Variants in SMIM35 observed in about 807,000 individuals in gnomAD.
SMIM35 encodes TMPRSS4 antisense RNA 1 (non-protein coding).
chr11:118,019,178 A>T (rs1380761473), intron 1 of SMIM35, among the ~76,000 whole-genome samples: 1 of 152,190 alleles, frequency 6.6e-6, no homozygotes, highest in Non-Finnish European at 1.5e-5. Context: ...TATGAAAATT[A>T]TGTTAGGACC....
chr11:118,085,758 C>A (rs1342192131), intron 1 of SMIM35, among the ~76,000 whole-genome samples: 1 of 152,160 alleles, frequency 6.6e-6, no homozygotes, highest in Non-Finnish European at 1.5e-5. Flanking sequence ...CCCCTTCTGG[C>A]CCTCTCGAGT....
chr11:118,017,260 C>T (rs2058190300), intron 1 of SMIM35, among the ~76,000 whole-genome samples: 1 of 152,178 alleles, frequency 6.6e-6, no homozygotes, highest in African/African-American at 2.4e-5. Flanking sequence ...AGTCGAGCCC[C>T]GGGAAGGCAA....
chr11:118,021,792 G>A (rs2058232971), intron 1 of SMIM35, among the ~76,000 whole-genome samples: 1 of 152,084 alleles, frequency 6.6e-6, no homozygotes, highest in Non-Finnish European at 1.5e-5. Context: ...GAGTAGAACT[G>A]AAAGACAAAC....
At chr11:118,011,862 G>T (rs754671293) in intron 4 of SMIM35, among the ~76,000 whole-genome samples, 8 of 152,128 alleles carry the variant, frequency 5.3e-5, no homozygotes, top group Non-Finnish European at 1.0e-4. Context: ...CCACTAAGGG[G>T]CCTTCCTCAC....
At chr11:118,044,032 A>G (rs147774296) in intron 1 of SMIM35, among the ~76,000 whole-genome samples, 1 of 152,264 alleles carries the variant, frequency 6.6e-6, no homozygotes, top group African/African-American at 2.4e-5. Flanking sequence ...ATATCTAAAC[A>G]AAGCTGTTAA....
At chr11:118,063,822 T>C (rs186615455) in intron 1 of SMIM35, among the ~76,000 whole-genome samples, 83 of 152,294 alleles carry the variant, frequency 5.4e-4, no homozygotes, top group Non-Finnish European at 8.8e-5. Flanking sequence ...CGGGAGGGCA[T>C]GAAAGCCCCG....
chr11:118,034,379 ACT>A (rs147431843), intron 1 of SMIM35, among the ~76,000 whole-genome samples: 1,671 of 152,310 alleles, frequency 0.011, 24 homozygotes, highest in African/African-American at 0.038. Flanking sequence ...AAAAATTGTC[ACT>A]GTCTCAATTT....
intron 1 of SMIM35, among the ~76,000 whole-genome samples, chr11:118,023,171 C>T (rs1018594092): frequency 6.6e-6 from 1 of 151,840 alleles, no homozygotes; most frequent in South Asian, 2.1e-4. Flanking sequence ...ATGAACAGAA[C>T]AACCAACAGA....
intron 1 of SMIM35, among the ~76,000 whole-genome samples, chr11:118,057,675 AG>A (rs1944335441): frequency 6.6e-6 from 1 of 152,164 alleles, no homozygotes; most frequent in African/African-American, 2.4e-5. Context: ...TATATTTGCA[AG>A]TGAGTGGTAT....
At chr11:118,064,358 C>T (rs1944435694) in intron 1 of SMIM35, among the ~76,000 whole-genome samples, 1 of 152,170 alleles carries the variant, frequency 6.6e-6, no homozygotes, top group Non-Finnish European at 1.5e-5. Flanking sequence ...ACACTGTGTT[C>T]CCCATCCACA....
rs970283873 is a variant in SMIM35, at chr11:118,005,007, G to A, written c.*1403C>T. On this transcript the variant is annotated 3_prime_UTR_variant, in exon 5 of 5. Coordinates refer to ENST00000689828, the MANE Select transcript of SMIM35 (RefSeq NM_001394165.1). ...CCCACATGGGGCAGAAGGGCGTGGT[G>A]GAGATTAAGACCTCACAGTGACCCT... The A allele has an allele frequency of 6.6e-6, 1 of 152,284 alleles. No homozygotes were observed. The highest frequency in any genetic ancestry group is 2.4e-5 in the African/African-American group (1 of 41,412). 9.4% of individuals were successfully genotyped at this position (152,284 alleles called of 1,614,324 possible). A position where few individuals can be genotyped will look rare whatever the true frequency, so the allele number is the denominator to read the frequency against.
chr11:118,015,231 G>T (rs1016630249), intron 2 of SMIM35, among the ~76,000 whole-genome samples: 1 of 152,200 alleles, frequency 6.6e-6, no homozygotes, highest in African/African-American at 2.4e-5. Context: ...CCAGTGAAAA[G>T]TGCAGCTATG....
At chr11:118,082,917 G>A (rs759857339) in intron 1 of SMIM35, among the ~76,000 whole-genome samples, 11 of 152,164 alleles carry the variant, frequency 7.2e-5, no homozygotes, top group Non-Finnish European at 1.2e-4. Flanking sequence ...TTCCCCAAGC[G>A]TACTTTGACC....
At chr11:118,077,223 G>A in intron 1 of SMIM35, 1 of 1,551,836 alleles carries the variant, frequency 6.4e-7, no homozygotes, top group Non-Finnish European at 8.7e-7. Context: ...CAGGACCTGT[G>A]TGGGGAGGCC....
intron 1 of SMIM35, among the ~76,000 whole-genome samples, chr11:118,032,702 T>A (rs1591287321): frequency 6.6e-6 from 1 of 151,906 alleles, no homozygotes; most frequent in East Asian, 1.9e-4. Context: ...CGGTCAGGAG[T>A]TTGAGACCAG....
intron 1 of SMIM35, among the ~76,000 whole-genome samples, chr11:118,047,545 G>A (rs1426739298): frequency 6.6e-6 from 1 of 152,146 alleles, no homozygotes; most frequent in Non-Finnish European, 1.5e-5. Context: ...GAGCAGGCAT[G>A]GGCAATACAC....
At chr11:118,070,202 G>C (rs1173266124) in intron 1 of SMIM35, among the ~76,000 whole-genome samples, 1 of 151,740 alleles carries the variant, frequency 6.6e-6, no homozygotes, top group Non-Finnish European at 1.5e-5. Context: ...TTTTGAGGTG[G>C]AGTTTCACTC....
intron 1 of SMIM35, among the ~76,000 whole-genome samples, chr11:118,072,952 G>A (rs1049903146): frequency 6.6e-6 from 1 of 152,160 alleles, no homozygotes; most frequent in African/African-American, 2.4e-5. Context: ...ACGGAGTCTC[G>A]CTCTGTCACC....
chr11:118,036,889 G>A (rs555884029), intron 1 of SMIM35, among the ~76,000 whole-genome samples: 1 of 152,300 alleles, frequency 6.6e-6, no homozygotes, highest in South Asian at 2.1e-4. Flanking sequence ...TTTATATCTC[G>A]ATCATTGTCT....
Sources: allele counts gnomAD v4.1 joint callset (sites outside exome capture counted in the v4.1 genomes callset), GRCh38; gene constraint gnomAD v4.1.1; transcripts MANE v1.5; gene names NCBI Gene and HGNC (gene_info 2026-07-23, HGNC 2026-07-21).